Variants in HMCN1 observed in about 807,000 individuals in gnomAD.
HMCN1 encodes hemicentin 1, also known as hemicentin-1.
Under a neutral mutation model 625.9 loss-of-function variants are expected in HMCN1, and 321 were observed. The observed-to-expected ratio is 0.51, with a 90% CI of 0.47 to 0.56. The LOEUF (loss-of-function observed/expected upper bound fraction) is 0.56, where lower values mean the gene tolerates loss of function less well. Ranked by LOEUF, HMCN1 falls within the 20% of genes least tolerant of loss-of-function variation. HMCN1 has a pLI of 0.00. For synonymous variants in HMCN1, 2,425 were observed against 2,417.6 expected, an observed-to-expected ratio of 1.00 and a Z score of -0.09; for missense variants, 6,588 against 6,887.3, an observed-to-expected ratio of 0.96 and a Z score of 1.54.
intron 18 of HMCN1, 48 bp downstream of exon 18, chr1:185,982,437 TTTTC>T (rs1349877039): frequency 1.3e-6 from 2 of 1,552,440 alleles, no homozygotes; most frequent in South Asian, 1.1e-5. Context: ...GTGAGTTTTC[TTTTC>T]TTTTTTTTTT....
In HMCN1 at chr1:185,779,185, G is replaced by A. The variant is rs532880739; in HGVS notation, c.268+44138G>A. On this transcript the variant is annotated intron_variant, in intron 1 of 106. Transcript: ENST00000271588. ...GTTCATATCCTTCGCCCACTTTTTG[G>A]TGGGGTTGTTTGTTTTTTTCTTGTA... Among the ~76,000 whole-genome samples, 10 of 152,070 alleles carry A rather than the reference G, an allele frequency of 6.6e-5. No individual in the cohort carries two copies. In the South Asian group the frequency reaches 8.3e-4, roughly 13 times the overall value.
At chr1:185,985,195 A>G (rs1019148471) in intron 19 of HMCN1, among the ~76,000 whole-genome samples, 13 of 152,208 alleles carry the variant, frequency 8.5e-5, no homozygotes, top group Non-Finnish European at 1.5e-4. Context: ...TACGTTAAGT[A>G]TCCACCACAT....
chr1:186,131,002 ATAAAT>A (rs1413957922), intron 85 of HMCN1, among the ~76,000 whole-genome samples: 1 of 152,168 alleles, frequency 6.6e-6, no homozygotes, highest in African/African-American at 2.4e-5. Context: ...ACAGTTACAT[ATAAAT>A]TATAGAGTAG....
rs1215954535 is a variant in HMCN1 at position 185,963,823 on chromosome 1, G to T, written c.2026G>T (p.Ala676Ser). ...LFIKNAAPKD[A>S]GIYGCLASNS... Reference sequence around the variant, plus strand: ...TATCAAAAATGCAGCTCCCAAAGATGCAGGGATCTATGGTTGCCTAGCAAG... The same window carrying T: ...TATCAAAAATGCAGCTCCCAAAGATTCAGGGATCTATGGTTGCCTAGCAAG... Residue 676 changes from alanine (A) to serine (S), a missense_variant, in exon 13 of 107, where the codon GCA (alanine) becomes TCA (serine). Physicochemically the swap from Ala to Ser is moderately conservative, Grantham distance 99 (BLOSUM62 1). Around this residue, in one of 3 missense-constraint regions of HMCN1, gnomAD observed 4,628 missense variants for 4,853.1 expected, o/e 0.95. Transcript: ENST00000271588. 7 of 1,607,602 alleles carry T rather than the reference G, an allele frequency of 4.4e-6. No individual in the cohort carries two copies. Among genetic ancestry groups the T allele is most frequent in the Non-Finnish European group, 6.0e-6 (7 of 1,174,476 alleles).
At chr1:186,163,042 A>G (rs1040636553) in intron 97 of HMCN1, among the ~76,000 whole-genome samples, 2 of 152,166 alleles carry the variant, frequency 1.3e-5, no homozygotes, top group Non-Finnish European at 2.9e-5. Flanking sequence ...GGCGTCCTTG[A>G]GCTGTGGTGG....
chr1:186,037,713 C>A (rs1655928722), intron 36 of HMCN1, among the ~76,000 whole-genome samples: 1 of 151,840 alleles, frequency 6.6e-6, no homozygotes. Flanking sequence ...AAGGATTTTC[C>A]TATCTGGACA....
intron 58 of HMCN1, among the ~76,000 whole-genome samples, chr1:186,086,835 G>T (rs568866133): frequency 1.1e-5 from 1 of 90,466 alleles, no homozygotes; most frequent in East Asian, 3.0e-4. Context: ...TAGATAGATA[G>T]ATAGATAGAT....
intron 11 of HMCN1, among the ~76,000 whole-genome samples, chr1:185,951,607 C>T (rs1301177137): frequency 9.2e-5 from 14 of 151,634 alleles, no homozygotes; most frequent in African/African-American, 3.4e-4. Context: ...GTCAGAGAGC[C>T]TTGGGCCAGA....
chr1:185,756,880 T>C (rs542360413), intron 1 of HMCN1, among the ~76,000 whole-genome samples: 14 of 152,322 alleles, frequency 9.2e-5, no homozygotes, highest in Admixed American at 2.6e-4. Context: ...ACCTGGTCTC[T>C]GCTGTTTTTT....
intron 1 of HMCN1, among the ~76,000 whole-genome samples, chr1:185,791,797 T>C (rs73070527): frequency 0.041 from 6,229 of 152,260 alleles, 416 homozygotes; most frequent in African/African-American, 0.14. Flanking sequence ...ATATTCAAAC[T>C]GGGTGATATT....
chr1:185,745,436 T>G (rs575182640), intron 1 of HMCN1, among the ~76,000 whole-genome samples: 159 of 152,328 alleles, frequency 1.0e-3, no homozygotes, highest in Admixed American at 2.2e-3. Context: ...CTCTGCTTTT[T>G]CTGGTTAAAT....
Position 186,095,416 on chromosome 1 carries a change from G to C in HMCN1, c.10468G>C (p.Val3490Leu). Residue 3490 changes from valine (V) to leucine (L), a missense_variant, in exon 68 of 107, where the codon GTC becomes CTC. Val to Leu is a conservative substitution (Grantham distance 32, BLOSUM62 1). Transcript: ENST00000271588. ...AHLTVSTHGM[V>L]LQLLKAETED... The stretch of plus-strand genomic sequence containing the variant: ...TCTGACAGTCAGCACCCATGGAATG[G>C]TCCTGCAGCTCCTCAAAGCAGAGAC... 5 of 1,613,716 alleles carry C rather than the reference G, an allele frequency of 3.1e-6. No homozygotes were observed. The highest frequency in any genetic ancestry group is 4.2e-6 in the Non-Finnish European group (5 of 1,179,828).
At chr1:185,881,661 C>T (rs964729231) in intron 4 of HMCN1, among the ~76,000 whole-genome samples, 3 of 152,170 alleles carry the variant, frequency 2.0e-5, no homozygotes, top group Admixed American at 6.5e-5. Context: ...ATTTCTCTGC[C>T]TCCTGCCCCT....
At chr1:185,765,920 C>T (rs996633390) in intron 1 of HMCN1, among the ~76,000 whole-genome samples, 2 of 152,098 alleles carry the variant, frequency 1.3e-5, no homozygotes, top group African/African-American at 4.8e-5. Flanking sequence ...ATCTTCTTAT[C>T]AATATGTGGT....
At chr1:186,049,535 A>G (rs2102266339) in intron 42 of HMCN1, among the ~76,000 whole-genome samples, 1 of 152,112 alleles carries the variant, frequency 6.6e-6, no homozygotes. Context: ...GATAATTCTT[A>G]TAGTCACAAC....
Position 186,052,994 on chromosome 1 carries a change from C to T in HMCN1, c.6620C>T (p.Thr2207Ile). The T allele has an allele frequency of 3.1e-6, 5 of 1,607,294 alleles. No individual in the cohort carries two copies. Among genetic ancestry groups the T allele is most frequent in the Non-Finnish European group, 4.3e-6 (5 of 1,174,520 alleles). The change falls in exon 43 of 107, where the codon ACA becomes ATA. Residue 2207 changes from threonine to isoleucine, a missense_variant. Coordinates refer to ENST00000271588, the MANE Select transcript of HMCN1 (RefSeq NM_031935.3). ...GGTTCTGATGAACTTACTCAACTTA[C>T]AGTCATTGAAGGGAATCTCATTAGT... Reference protein sequence around the residue: ...IGGSDELTQLTVIEGNLISLL... With the variant: ...IGGSDELTQLIVIEGNLISLL...
In HMCN1 at chr1:186,178,755, A is replaced by G. The variant is rs756699516; in HGVS notation, c.16283A>G (p.Asp5428Gly). The G allele has an allele frequency of 6.2e-7, 1 of 1,605,128 alleles. No homozygotes were observed. Among genetic ancestry groups the G allele is most frequent in the Non-Finnish European group, 8.5e-7 (1 of 1,171,832 alleles). ...TCPEGSEASH[D>G]TCVDIDECEN... ...CCTGAAGGCTCTGAGGCAAGCCATG[A>G]CACATGTGTAGGTAAATGTCAGCCA... Residue 5428 changes from aspartate (D) to glycine (G), a missense_variant, in exon 104 of 107, where the codon GAC (aspartate) becomes GGC (glycine). Asp to Gly is a moderately conservative substitution (Grantham distance 94). Coordinates refer to ENST00000271588, the MANE Select transcript of HMCN1 (RefSeq NM_031935.3).
intron 71 of HMCN1, 121 bp from the exon 72 acceptor site, chr1:186,112,691 C>T: frequency 8.2e-7 from 1 of 1,217,744 alleles, no homozygotes; most frequent in African/African-American, 1.5e-5. Context: ...GAGGAGCAGA[C>T]AAAGCATGCT....
chr1:186,053,949 T>G lies in HMCN1; in HGVS notation c.6825T>G (p.Ala2275=), dbSNP rs1558180018. 7 of 1,612,756 alleles carry G rather than the reference T, an allele frequency of 4.3e-6. No homozygotes were observed. Among genetic ancestry groups the G allele is most frequent in the Non-Finnish European group, 5.9e-6 (7 of 1,179,206 alleles). ...ALYSCVASNV[A]GTAKKEYNLQ... is the part of the protein sequence containing the mutation. ...ATTCATGTGTGGCGTCGAATGTTGCTGGGACTGCAAAGAAAGAATACAATC... is the reference window on the plus strand; with the variant it reads ...ATTCATGTGTGGCGTCGAATGTTGCGGGGACTGCAAAGAAAGAATACAATC... Residue 2275 remains alanine, a synonymous_variant, in exon 44 of 107, where the codon GCT becomes GCG. Transcript: ENST00000271588.
Sources: gnomAD v4.1 joint callset for allele counts (sites outside exome capture counted in the v4.1 genomes callset) on GRCh38, gnomAD v4.1.1 for gene constraint, gnomAD v4.1.1 regional missense constraint, MANE v1.5 for transcripts, NCBI Gene and HGNC (gene_info 2026-07-23, HGNC 2026-07-21) for gene names.